SORCS3: variants seen among roughly 807,000 people sequenced by gnomAD.
The protein encoded by SORCS3 is VPS10 domain-containing receptor SorCS3.
A neutral mutation model predicts 146.3 loss-of-function variants in SORCS3; 57 were observed. The observed-to-expected ratio is 0.39, with a 90% confidence interval of 0.31 to 0.49. The LOEUF (loss-of-function observed/expected upper bound fraction) is 0.49, where lower values mean the gene tolerates loss of function less well. SORCS3 is among the 20% of genes least tolerant of loss of function. SORCS3 has a pLI of 0.92. For synonymous variants in SORCS3, 653 were observed against 618.5 expected (o/e 1.06, Z -0.83); for missense variants, 1,341 against 1,575.5 (o/e 0.85, Z 2.52).
intron 6 of SORCS3, among the ~76,000 whole-genome samples, chr10:105,101,068 C>G: frequency 6.6e-6 from 1 of 152,168 alleles, no homozygotes; most frequent in East Asian, 1.9e-4. Flanking sequence ...ATCTGGACCA[C>G]TTTCATTTTA....
intron 1 of SORCS3, among the ~76,000 whole-genome samples, chr10:104,783,708 C>T (rs557025702): frequency 1.3e-5 from 2 of 152,156 alleles, no homozygotes; most frequent in Admixed American, 6.5e-5. Flanking sequence ...TCCTGGGCAA[C>T]AGTGCGAGAC....
intron 1 of SORCS3, among the ~76,000 whole-genome samples, chr10:104,792,236 A>G (rs2017503446): frequency 6.6e-6 from 1 of 152,182 alleles, no homozygotes; most frequent in African/African-American, 2.4e-5. Context: ...GTTATCTGAC[A>G]AACTCCTACA....
chr10:104,990,833 C>T (rs1396095792), intron 4 of SORCS3, among the ~76,000 whole-genome samples: 1 of 152,092 alleles, frequency 6.6e-6, no homozygotes, highest in Non-Finnish European at 1.5e-5. Context: ...TCCCCTGGAG[C>T]CTCCAGAAGG....
intron 2 of SORCS3, among the ~76,000 whole-genome samples, chr10:104,874,742 T>C (rs958051160): frequency 1.3e-5 from 2 of 152,160 alleles, no homozygotes; most frequent in African/African-American, 4.8e-5. Context: ...TGAGTACATC[T>C]CATCATATTC....
chr10:104,756,416 A>C (rs2017051507), intron 1 of SORCS3, among the ~76,000 whole-genome samples: 1 of 152,228 alleles, frequency 6.6e-6, no homozygotes, highest in Non-Finnish European at 1.5e-5. Context: ...TTTTATCTAT[A>C]AAGTTGGACT....
At chr10:104,862,739 C>A (rs1415475732) in intron 2 of SORCS3, among the ~76,000 whole-genome samples, 1 of 151,664 alleles carries the variant, frequency 6.6e-6, no homozygotes, top group Non-Finnish European at 1.5e-5. Flanking sequence ...GCCAATATTC[C>A]CCTCATTCAG....
chr10:105,183,133 G>C (rs948248793), intron 14 of SORCS3, among the ~76,000 whole-genome samples: 2 of 152,234 alleles, frequency 1.3e-5, no homozygotes, highest in African/African-American at 4.8e-5. Context: ...AACAGTGTGA[G>C]CAGACATGGA....
intron 1 of SORCS3, among the ~76,000 whole-genome samples, chr10:104,686,174 G>C (rs1220188522): frequency 2.0e-5 from 3 of 152,150 alleles, no homozygotes; most frequent in Non-Finnish European, 4.4e-5. Flanking sequence ...GAGAAGGTCA[G>C]GTTGGAGGGT....
At chr10:104,870,936 A>G (rs535474998) in intron 2 of SORCS3, among the ~76,000 whole-genome samples, 2 of 152,300 alleles carry the variant, frequency 1.3e-5, no homozygotes, top group East Asian at 3.9e-4. Flanking sequence ...ACTTAAGGTG[A>G]CCAGCCCTTA....
chr10:104,944,422 CAT>C (rs2019349306), intron 3 of SORCS3, among the ~76,000 whole-genome samples: 1 of 152,092 alleles, frequency 6.6e-6, no homozygotes, highest in Non-Finnish European at 1.5e-5. Context: ...GAGTGAAAGT[CAT>C]AGCATTTAAT....
At chr10:104,977,878 C>T (rs1344930410) in intron 4 of SORCS3, among the ~76,000 whole-genome samples, 1 of 151,524 alleles carries the variant, frequency 6.6e-6, no homozygotes, top group Non-Finnish European at 1.5e-5. Flanking sequence ...ATTACAGGTG[C>T]CCACCGCCAT....
At chr10:104,974,807 T>G (rs1018748841) in intron 3 of SORCS3, among the ~76,000 whole-genome samples, 3 of 152,202 alleles carry the variant, frequency 2.0e-5, no homozygotes, top group Non-Finnish European at 4.4e-5. Context: ...TCTTTACAAT[T>G]TGGCCTGATT....
chr10:104,836,459 T>C (rs1334274296), intron 1 of SORCS3, among the ~76,000 whole-genome samples: 1 of 152,140 alleles, frequency 6.6e-6, no homozygotes. Flanking sequence ...GAAGCTGGCT[T>C]GAGCATTTGG....
chr10:104,740,530 A>G lies in SORCS3; in HGVS notation c.627+98576A>G, dbSNP rs185922576. Among the ~76,000 whole-genome samples the G allele has an allele frequency of 5.3e-5, 8 of 152,238 alleles. No homozygotes were observed. The East Asian group carries it at 1.2e-3, about 22-fold the overall frequency. On this transcript the variant is annotated intron_variant, in intron 1 of 26. Coordinates refer to ENST00000369701, the MANE Select transcript of SORCS3 (RefSeq NM_014978.3). The stretch of plus-strand genomic sequence containing the variant: ...CCTGGCTTTGTCCTTCACAGCACAT[A>G]TTAAATTGTTGCTTTCTTAGTGTCT...
intron 14 of SORCS3, among the ~76,000 whole-genome samples, chr10:105,180,714 C>T (rs1036188224): frequency 6.6e-6 from 1 of 152,098 alleles, no homozygotes; most frequent in African/African-American, 2.4e-5. Context: ...TCTCCAACCT[C>T]CCTGACCTGA....
At chr10:104,877,727 G>A (rs753282334) in intron 2 of SORCS3, among the ~76,000 whole-genome samples, 2 of 152,172 alleles carry the variant, frequency 1.3e-5, no homozygotes, top group Admixed American at 1.3e-4. Context: ...ATTGTGCCAG[G>A]TGATAAGAAA....
At chr10:104,823,257 C>T (rs1359594394) in intron 1 of SORCS3, among the ~76,000 whole-genome samples, 2 of 152,126 alleles carry the variant, frequency 1.3e-5, no homozygotes, top group South Asian at 4.2e-4. Flanking sequence ...CCACCGCAAC[C>T]AACCTGGAGC....
intron 7 of SORCS3, among the ~76,000 whole-genome samples, chr10:105,117,522 C>T (rs938717085): frequency 2.2e-4 from 33 of 152,222 alleles, no homozygotes; most frequent in Admixed American, 1.3e-3. Flanking sequence ...CTCTCCTTTC[C>T]CCTGTCTTTA....
intron 13 of SORCS3, among the ~76,000 whole-genome samples, chr10:105,170,769 C>T (rs1245856310): frequency 6.6e-6 from 1 of 152,164 alleles, no homozygotes. Flanking sequence ...CTTTGCACTC[C>T]TCTTTCAAAG....
Sources: gnomAD v4.1 joint callset for allele counts (sites outside exome capture counted in the v4.1 genomes callset) on GRCh38, gnomAD v4.1.1 for gene constraint, MANE v1.5 for transcripts, NCBI Gene and HGNC (gene_info 2026-07-23, HGNC 2026-07-21) for gene names.